CDKAL1: variants seen among roughly 807,000 people sequenced by gnomAD.
The protein encoded by CDKAL1 is CDKAL1 threonylcarbamoyladenosine tRNA methylthiotransferase, also known as threonylcarbamoyladenosine tRNA methylthiotransferase.
Under a neutral mutation model 68.2 loss-of-function variants are expected in CDKAL1, and 32 were observed. That is an observed-to-expected ratio of 0.47 (90% CI 0.35 to 0.63). CDKAL1 has a LOEUF of 0.63. Ranked by LOEUF, CDKAL1 falls within the 30% of genes least tolerant of loss-of-function variation. CDKAL1 has a pLI of 0.00. For missense variants in CDKAL1, 606 were observed against 696.7 expected, an observed-to-expected ratio of 0.87 and a Z score of 1.47; for synonymous variants, 234 against 244.3, an observed-to-expected ratio of 0.96 and a Z score of 0.39.
At chr6:21,089,787 T>C (rs977419822) in intron 12 of CDKAL1, among the ~76,000 whole-genome samples, 2 of 152,232 alleles carry the variant, frequency 1.3e-5, no homozygotes, top group African/African-American at 2.4e-5. Context: ...AGTCAGATCA[T>C]GGCAAGCTTT....
At chr6:20,957,262 G>A (rs1764825275) in intron 10 of CDKAL1, among the ~76,000 whole-genome samples, 6 of 152,126 alleles carry the variant, frequency 3.9e-5, no homozygotes, top group Admixed American at 3.9e-4. Context: ...AGAAGCACAA[G>A]GAAGAAAAAT....
At chr6:21,143,304 C>T (rs1776013344) in intron 13 of CDKAL1, among the ~76,000 whole-genome samples, 1 of 152,186 alleles carries the variant, frequency 6.6e-6, no homozygotes, top group Admixed American at 6.5e-5. Context: ...GTTTTTCTCT[C>T]AACGTTTCTC....
intron 4 of CDKAL1, among the ~76,000 whole-genome samples, chr6:20,604,525 A>G (rs1005058233): frequency 6.6e-6 from 1 of 152,134 alleles, no homozygotes. Context: ...CCATCTGTAG[A>G]CTCACATAAA....
At chr6:20,833,701 G>A (rs1777815685) in intron 8 of CDKAL1, among the ~76,000 whole-genome samples, 3 of 152,300 alleles carry the variant, frequency 2.0e-5, no homozygotes, top group African/African-American at 7.2e-5. Context: ...AACACCCCCT[G>A]TACTTGGTAG....
chr6:21,196,035 A>T (rs1329500775), intron 13 of CDKAL1, among the ~76,000 whole-genome samples: 1 of 152,218 alleles, frequency 6.6e-6, no homozygotes, highest in Non-Finnish European at 1.5e-5. Context: ...TAAACATAGC[A>T]AGTCTTTTTA....
At chr6:21,102,904 C>CG (rs1465183871) in intron 12 of CDKAL1, among the ~76,000 whole-genome samples, 1 of 152,194 alleles carries the variant, frequency 6.6e-6, no homozygotes, top group Non-Finnish European at 1.5e-5. Context: ...CTTAGGCTCT[C>CG]TACCAGAAAG....
At chr6:20,761,409 T>A (rs1774458300) in intron 7 of CDKAL1, among the ~76,000 whole-genome samples, 1 of 152,218 alleles carries the variant, frequency 6.6e-6, no homozygotes, top group Admixed American at 6.5e-5. Flanking sequence ...ATCCAGCAGG[T>A]GTGCTACTTG....
chr6:21,127,508 G>C (rs1278023058), intron 13 of CDKAL1, among the ~76,000 whole-genome samples: 3 of 152,164 alleles, frequency 2.0e-5, no homozygotes, highest in Non-Finnish European at 4.4e-5. Context: ...CCAATACTTT[G>C]GGAGGCCGAG....
chr6:21,224,038 G>GTT (rs1426015224), intron 15 of CDKAL1, among the ~76,000 whole-genome samples: 5 of 152,182 alleles, frequency 3.3e-5, no homozygotes, highest in Non-Finnish European at 7.3e-5. Flanking sequence ...TGGGCAGCTA[G>GTT]TTTAGCTCTG....
chr6:20,889,498 G>A (rs1269485228), intron 9 of CDKAL1, among the ~76,000 whole-genome samples: 1 of 151,986 alleles, frequency 6.6e-6, no homozygotes, highest in Non-Finnish European at 1.5e-5. Flanking sequence ...GGTTTTTATG[G>A]TTTTAGGTCT....
intron 10 of CDKAL1, among the ~76,000 whole-genome samples, chr6:20,976,967 A>G (rs1030463881): frequency 2.6e-5 from 4 of 152,234 alleles, no homozygotes; most frequent in African/African-American, 9.6e-5. Flanking sequence ...AACATTCTGT[A>G]CATATCTTTT....
chr6:21,084,098 C>A (rs552963441), intron 12 of CDKAL1, among the ~76,000 whole-genome samples: 12 of 152,100 alleles, frequency 7.9e-5, no homozygotes, highest in African/African-American at 1.7e-4. Context: ...AAGAAAGAAA[C>A]GGGAGGCCTT....
chr6:20,942,161 A>T (rs1260248476), intron 9 of CDKAL1, among the ~76,000 whole-genome samples: 1 of 152,126 alleles, frequency 6.6e-6, no homozygotes, highest in East Asian at 1.9e-4. Context: ...TGATTGATTG[A>T]TGGTTGCCCT....
chr6:20,782,137 A>C (rs1775458424), intron 8 of CDKAL1, among the ~76,000 whole-genome samples: 1 of 152,176 alleles, frequency 6.6e-6, no homozygotes, highest in Non-Finnish European at 1.5e-5. Context: ...CCTCCAGGAC[A>C]GTGGCGGTTG....
chr6:21,087,318 G>A (rs1346086982), intron 12 of CDKAL1, among the ~76,000 whole-genome samples: 4 of 151,998 alleles, frequency 2.6e-5, no homozygotes, highest in South Asian at 2.1e-4. Context: ...AGGAGCGGGC[G>A]CCTAGTTAAC....
At chr6:21,065,847 A>G (rs2150933805) in intron 12 of CDKAL1, among the ~76,000 whole-genome samples, 1 of 152,096 alleles carries the variant, frequency 6.6e-6, no homozygotes, top group South Asian at 2.1e-4. Context: ...CAAAACAAAT[A>G]TCTACTTTCT....
At chr6:20,596,630 A>C (rs1024492048) in intron 4 of CDKAL1, among the ~76,000 whole-genome samples, 5 of 152,124 alleles carry the variant, frequency 3.3e-5, no homozygotes, top group African/African-American at 1.2e-4. Flanking sequence ...GAGCTAGACT[A>C]CTTGGCTCCC....
chr6:20,667,567 C>T (rs775023258), intron 5 of CDKAL1, among the ~76,000 whole-genome samples: 1 of 152,124 alleles, frequency 6.6e-6, no homozygotes, highest in Non-Finnish European at 1.5e-5. Context: ...TTTATTAATT[C>T]AGTTGTTCAA....
intron 11 of CDKAL1, among the ~76,000 whole-genome samples, chr6:21,001,189 C>T (rs964336058): frequency 6.6e-6 from 1 of 152,126 alleles, no homozygotes; most frequent in Admixed American, 6.5e-5. Flanking sequence ...TACATTTTTT[C>T]CATAGCCTTT....
Sources: gnomAD v4.1 joint callset for allele counts (sites outside exome capture counted in the v4.1 genomes callset) on GRCh38, gnomAD v4.1.1 for gene constraint, MANE v1.5 for transcripts, NCBI Gene and HGNC (gene_info 2026-07-23, HGNC 2026-07-21) for gene names.